PALS2: variants seen among roughly 807,000 people sequenced by gnomAD.
PALS2 encodes protein associated with LIN7 2, MAGUK p55 family member.
In PALS2, 27 loss-of-function variants were observed where a neutral mutation model predicts 61.6. The ratio of observed to expected loss-of-function variants is 0.44; its 90% CI spans 0.32 to 0.60. PALS2 has a LOEUF of 0.60. PALS2 is among the 20% of genes least tolerant of loss of function. PALS2 has a pLI of 0.05. For missense variants in PALS2, 554 were observed against 639.4 expected (o/e 0.87, Z 1.44); for synonymous variants, 236 against 218.6 (o/e 1.08, Z -0.70).
chr7:24,652,319 C>T (rs1028695710), intron 5 of PALS2, among the ~76,000 whole-genome samples: 3 of 152,158 alleles, frequency 2.0e-5, no homozygotes, highest in South Asian at 2.1e-4. Context: ...ATAACTAGGG[C>T]TTTGGCCCAA....
chr7:24,690,923 GATT>G lies in PALS2; in HGVS notation c.*3314_*3316del, dbSNP rs1248799994. 1 of 152,054 alleles carries G rather than the reference GATT, an allele frequency of 6.6e-6. No homozygotes were observed. 9.4% of individuals were successfully genotyped at this position (152,054 alleles called of 1,614,324 possible). On this transcript the variant is annotated 3_prime_UTR_variant, in exon 12 of 12. Coordinates refer to ENST00000222644, the MANE Select transcript of PALS2 (RefSeq NM_001303037.2). ...GAAGTTTCCTTTAAAGCAACAAATA[GATT>G]ATTAAGGCAAATTTAGATAATAACC...
chr7:24,659,035 GTTGTTCCCCTCT>G (rs1415253191), intron 5 of PALS2, among the ~76,000 whole-genome samples: 5 of 152,148 alleles, frequency 3.3e-5, no homozygotes, highest in Admixed American at 3.3e-4. Flanking sequence ...CCCAGGGTCT[GTTGTTCCCCTCT>G]TTGTGTCGAT....
At chr7:24,609,245 G>A (rs750181544) in intron 1 of PALS2, among the ~76,000 whole-genome samples, 1 of 152,092 alleles carries the variant, frequency 6.6e-6, no homozygotes, top group Non-Finnish European at 1.5e-5. Flanking sequence ...TATTTGTGTA[G>A]GCTGCTCCTC....
At chr7:24,683,330 T>C (rs1788030170) in intron 11 of PALS2, among the ~76,000 whole-genome samples, 1 of 152,194 alleles carries the variant, frequency 6.6e-6, no homozygotes, top group South Asian at 2.1e-4. Context: ...TTCAGAATAA[T>C]GAGTTTATTC....
At position 24,679,347 on chromosome 7, in the gene PALS2, A is replaced by G; in HGVS notation, c.1317+14A>G. On this transcript the variant is annotated intron_variant, in intron 10 of 11. Transcript: ENST00000222644. ...GTCAACCCACAAGTAAGCTGCTTGGATTCCAAAGCTGTTTTATATTTTATT... is the reference window on the plus strand; with the variant it reads ...GTCAACCCACAAGTAAGCTGCTTGGGTTCCAAAGCTGTTTTATATTTTATT... 6.2e-7 allele frequency: 1 copy of G among 1,610,934 alleles called. No homozygotes were observed. The highest frequency in any genetic ancestry group is 8.5e-7 in the Non-Finnish European group (1 of 1,178,324).
chr7:24,576,923 T>G (rs1372842545), intron 1 of PALS2, among the ~76,000 whole-genome samples: 1 of 152,200 alleles, frequency 6.6e-6, no homozygotes, highest in Non-Finnish European at 1.5e-5. Context: ...TTGTTAACCA[T>G]TAAGCTGTGA....
rs1384769705 is a variant in PALS2, at chr7:24,689,464, G to A, written c.*1850G>A. ...GAACGCCAGCTGGGAGGACTTTGAA[G>A]GAAAAGAAAATATATGACAATAGGC... On this transcript the variant is annotated 3_prime_UTR_variant, in exon 12 of 12. Coordinates refer to ENST00000222644, the MANE Select transcript of PALS2 (RefSeq NM_001303037.2). The A allele has an allele frequency of 6.6e-6, 1 of 151,802 alleles. No individual in the cohort carries two copies. Among genetic ancestry groups the A allele is most frequent in the Non-Finnish European group, 1.5e-5 (1 of 67,980 alleles). 9.4% of individuals were successfully genotyped at this position (151,802 alleles called of 1,614,324 possible).
chr7:24,656,557 T>C (rs6461815), intron 5 of PALS2, among the ~76,000 whole-genome samples: 152,067 of 152,088 alleles, frequency 1, 76,023 homozygotes, highest in Middle Eastern at 1. Flanking sequence ...GGCCTCACTC[T>C]GTCACCCAGG....
intron 2 of PALS2, among the ~76,000 whole-genome samples, chr7:24,633,116 G>T (rs986263300): frequency 3.3e-5 from 5 of 151,688 alleles, no homozygotes; most frequent in Middle Eastern, 3.2e-3. Flanking sequence ...AATCAATTAG[G>T]AATAAGAAAA....
intron 9 of PALS2, among the ~76,000 whole-genome samples, chr7:24,676,693 C>T (rs550595070): frequency 0.013 from 1,972 of 146,934 alleles, 143 homozygotes; most frequent in African/African-American, 0.051. Flanking sequence ...TGTAGATACG[C>T]GGCGTTATTT....
chr7:24,645,421 A>C (rs1239462875), intron 3 of PALS2, among the ~76,000 whole-genome samples: 1 of 152,122 alleles, frequency 6.6e-6, no homozygotes, highest in African/African-American at 2.4e-5. Context: ...AAGATCAGAT[A>C]GTCATAGATG....
At chr7:24,609,588 G>A (rs1784041592) in intron 1 of PALS2, among the ~76,000 whole-genome samples, 1 of 152,066 alleles carries the variant, frequency 6.6e-6, no homozygotes, top group African/African-American at 2.4e-5. Context: ...AGTGCCAGTG[G>A]TTTCCTGTTT....
chr7:24,660,360 A>T (rs1053509056), intron 5 of PALS2, among the ~76,000 whole-genome samples: 2 of 152,164 alleles, frequency 1.3e-5, no homozygotes, highest in Non-Finnish European at 2.9e-5. Flanking sequence ...CTATTAATTT[A>T]TCTTTCCAGA....
intron 2 of PALS2, among the ~76,000 whole-genome samples, chr7:24,640,587 C>T (rs971346046): frequency 6.6e-6 from 1 of 152,142 alleles, no homozygotes; most frequent in African/African-American, 2.4e-5. Context: ...TACGCTTTTC[C>T]TGTCTTCAGA....
At chr7:24,679,854 T>C (rs1052493720) in intron 10 of PALS2, among the ~76,000 whole-genome samples, 2 of 152,198 alleles carry the variant, frequency 1.3e-5, no homozygotes, top group Non-Finnish European at 2.9e-5. Flanking sequence ...GTCATTTCAC[T>C]ATGCCTTAAA....
chr7:24,668,156 A>C (rs991000970), intron 8 of PALS2, among the ~76,000 whole-genome samples: 5 of 126,038 alleles, frequency 4.0e-5, no homozygotes, highest in African/African-American at 1.6e-4. Flanking sequence ...CCATCTCTAC[A>C]AAAAAAAAAA....
intron 2 of PALS2, among the ~76,000 whole-genome samples, chr7:24,634,427 T>C (rs1785146544): frequency 6.6e-6 from 1 of 152,168 alleles, no homozygotes; most frequent in Admixed American, 6.5e-5. Flanking sequence ...AAACGGGGTT[T>C]CACCGTGTTA....
intron 1 of PALS2, among the ~76,000 whole-genome samples, chr7:24,608,473 G>A (rs748741745): frequency 2.6e-5 from 4 of 152,148 alleles, no homozygotes; most frequent in South Asian, 2.1e-4. Context: ...GGTAGTGTTG[G>A]ATTTGCTTCT....
chr7:24,613,546 A>G (rs899178890), intron 1 of PALS2, among the ~76,000 whole-genome samples: 2 of 151,876 alleles, frequency 1.3e-5, no homozygotes, highest in Non-Finnish European at 3.0e-5. Context: ...TCAGATCAGG[A>G]TAATTAGCAT....
Sources: gnomAD v4.1 joint callset for allele counts (sites outside exome capture counted in the v4.1 genomes callset) on GRCh38, gnomAD v4.1.1 for gene constraint, MANE v1.5 for transcripts, NCBI Gene and HGNC (gene_info 2026-07-23, HGNC 2026-07-21) for gene names.